The following IQCE variants were observed in gnomAD, a reference collection of about 807,000 sequenced individuals.
IQCE encodes the protein IQ motif containing E.
Under a neutral mutation model 96.0 loss-of-function variants are expected in IQCE, and 115 were observed. That is an observed-to-expected ratio of 1.20 (90% CI 1.03 to 1.40). The LOEUF (loss-of-function observed/expected upper bound fraction) is 1.40. IQCE is among the 40% of genes most tolerant of loss of function. The pLI is 0.00. For missense variants in IQCE, 1,041 were observed against 909.1 expected (o/e 1.15, Z -1.87); for synonymous variants, 412 against 371.2 (o/e 1.11, Z -1.26).
intron 9 of IQCE, among the ~76,000 whole-genome samples, chr7:2,583,031 T>A (rs1782797762): frequency 6.6e-6 from 1 of 152,150 alleles, no homozygotes; most frequent in Non-Finnish European, 1.5e-5. Flanking sequence ...TTGGTTTCTT[T>A]AAGGGAAACT....
At chr7:2,598,441 T>C in intron 16 of IQCE, 24 bp from the exon 17 acceptor site, 2 of 1,554,134 alleles carry the variant, frequency 1.3e-6, no homozygotes, top group Non-Finnish European at 1.7e-6. Context: ...TTCATTGTCC[T>C]CTTACTCCTT....
At chr7:2,604,801 C>G in intron 18 of IQCE, 80 bp from the exon 19 acceptor site, 1 of 953,752 alleles carries the variant, frequency 1.0e-6, no homozygotes, top group Non-Finnish European at 1.7e-6. Context: ...TGGCAGCTCT[C>G]TCCTCGGCGC....
At chr7:2,599,315 G>T (rs967380009) in intron 17 of IQCE, among the ~76,000 whole-genome samples, 1 of 152,020 alleles carries the variant, frequency 6.6e-6, no homozygotes. Context: ...TCCTGCCTCA[G>T]CCTCCCAAGT....
At chr7:2,565,253 A>G (rs1157406999) in intron 1 of IQCE, among the ~76,000 whole-genome samples, 3 of 140,388 alleles carry the variant, frequency 2.1e-5, no homozygotes, top group Non-Finnish European at 4.6e-5. Flanking sequence ...GTGTGTGTGC[A>G]TGCGTGTGTG....
chr7:2,601,352 G>A (rs1784417437), intron 17 of IQCE, 89 bp from the exon 18 acceptor site: 14 of 912,422 alleles, frequency 1.5e-5, no homozygotes, highest in Admixed American at 2.2e-5. Flanking sequence ...TGGCTTGATG[G>A]ACACCTGTTG....
At chr7:2,593,255 C>A in intron 15 of IQCE, 129 bp downstream of exon 15, 1 of 1,371,144 alleles carries the variant, frequency 7.3e-7, no homozygotes, top group South Asian at 1.7e-5. Flanking sequence ...TCCTCACAGT[C>A]TTTCATGGTT....
At chr7:2,605,040 G>A (rs376713168) in intron 19 of IQCE, 49 bp downstream of exon 19, 21 of 1,311,056 alleles carry the variant, frequency 1.6e-5, no homozygotes, top group Middle Eastern at 1.8e-4. Flanking sequence ...AGAGCTGCTC[G>A]TCTCGCACTC....
intron 14 of IQCE, among the ~76,000 whole-genome samples, chr7:2,592,067 G>T (rs1197693670): frequency 2.0e-5 from 3 of 151,886 alleles, no homozygotes; most frequent in African/African-American, 4.8e-5. Context: ...GATTACAGGC[G>T]TGAGCCACCG....
chr7:2,598,895 A>T (rs1398092120), intron 17 of IQCE, among the ~76,000 whole-genome samples: 2 of 152,240 alleles, frequency 1.3e-5, no homozygotes, highest in Non-Finnish European at 2.9e-5. Flanking sequence ...TTTAGACGTT[A>T]TGAAACATCG....
In IQCE at chr7:2,613,870, C is replaced by G. The variant is rs56063345; in HGVS notation, c.*3708C>G. The G allele has an allele frequency of 0.11, 17,362 of 152,184 alleles. 1,048 individuals are homozygous for G. The highest frequency in any genetic ancestry group is 0.15 in the Admixed American group (2,224 of 15,296). The allele number at this position is 152,184 out of a possible 1,614,324, so 9.4% of individuals were successfully genotyped here. A position where few individuals can be genotyped will look rare whatever the true frequency, so the allele number is the denominator to read the frequency against. ...CACCAAGACCACCGTTCCCGCAGGC[C>G]TGGGGTGAGTGACCTGACTGAGACT... On this transcript the variant is annotated 3_prime_UTR_variant, in exon 22 of 22. Coordinates refer to ENST00000402050, the MANE Select transcript of IQCE (RefSeq NM_152558.5).
rs919437649 is a variant in IQCE, at chr7:2,610,387, G to A, written c.*225G>A. ...GCTCGCATCCCCCTCATCTCCAGCT[G>A]CAGCTCGGATGGTGGATTTTCAGTG... is the stretch of plus-strand genomic sequence containing the variant. On this transcript the variant is annotated 3_prime_UTR_variant, in exon 22 of 22. Coordinates refer to ENST00000402050, the MANE Select transcript of IQCE (RefSeq NM_152558.5). The A allele has an allele frequency of 6.1e-6, 3 of 490,482 alleles. No homozygotes were observed. Among genetic ancestry groups the A allele is most frequent in the South Asian group, 2.4e-5 (1 of 42,272 alleles). The allele number at this position is 490,482 out of a possible 1,614,324, so 30.4% of individuals were successfully genotyped here.
Position 2,601,445 on chromosome 7 carries a change from AAAAG to A in IQCE, c.1614_1617del (p.Lys539LeufsTer24), listed in dbSNP as rs761920346. 1.1e-5 allele frequency: 17 copies of A among 1,565,186 alleles called. No individual in the cohort carries two copies. The highest frequency in any genetic ancestry group is 8.3e-5 in the African/African-American group (6 of 72,700). ...TCTTTCTTTTTTTTTTTCCAGAAAA[AAAAG>A]GCTGTTCTGGATGAGGTAAGCGAGG... On this transcript the variant is annotated frameshift_variant, in exon 18 of 22. Coordinates refer to ENST00000402050, the MANE Select transcript of IQCE (RefSeq NM_152558.5). LOFTEE classifies it high-confidence loss of function.
chr7:2,597,933 G>A (rs554806795), intron 16 of IQCE, among the ~76,000 whole-genome samples: 3 of 152,266 alleles, frequency 2.0e-5, no homozygotes, highest in South Asian at 2.1e-4. Context: ...CCCCCACATT[G>A]TTGGGATTAC....
intron 1 of IQCE, among the ~76,000 whole-genome samples, chr7:2,560,390 C>G (rs1780855592): frequency 6.6e-6 from 1 of 152,244 alleles, no homozygotes; most frequent in Non-Finnish European, 1.5e-5. Context: ...GAAGGTTTCA[C>G]ATCAAGGGAA....
chr7:2,592,565 T>C (rs1367938077), intron 14 of IQCE, among the ~76,000 whole-genome samples: 1 of 152,168 alleles, frequency 6.6e-6, no homozygotes, highest in East Asian at 1.9e-4. Flanking sequence ...CGAAGGCCAG[T>C]GTGTGGCCAT....
In IQCE at chr7:2,578,542, G is replaced by A; in HGVS notation, c.630+16G>A. On this transcript the variant is annotated intron_variant, in intron 8 of 21. Coordinates refer to ENST00000402050, the MANE Select transcript of IQCE (RefSeq NM_152558.5). ...TGCCAGTTGGGTGAGTATGGTGTGT[G>A]CAGGACAGAGCCTTTCCCCAGACGC... is the stretch of plus-strand genomic sequence containing the variant. 1 of 1,613,944 alleles carries A rather than the reference G, an allele frequency of 6.2e-7. No homozygotes were observed. The highest frequency in any genetic ancestry group is 8.5e-7 in the Non-Finnish European group (1 of 1,179,824).
chr7:2,597,769 C>T (rs1397614744), intron 16 of IQCE, among the ~76,000 whole-genome samples: 1 of 152,248 alleles, frequency 6.6e-6, no homozygotes, highest in African/African-American at 2.4e-5. Context: ...TGGGCTCAAG[C>T]GATCCTCCTG....
intron 17 of IQCE, chr7:2,598,881 A>T (rs1005760650): frequency 1.6e-4 from 61 of 382,830 alleles, no homozygotes; most frequent in Non-Finnish European, 2.4e-4. Context: ...ATTCGAAAGT[A>T]AGTTTTAGAC....
chr7:2,592,940 G>T lies in IQCE; in HGVS notation c.1245-82G>T, dbSNP rs1011025324. 17 of 1,463,260 alleles carry T rather than the reference G, an allele frequency of 1.2e-5. No homozygotes were observed. In the African/African-American group the frequency reaches 2.1e-4, roughly 18 times the overall value. 90.6% of individuals were successfully genotyped at this position (1,463,260 alleles called of 1,614,324 possible). ...CTGTCCTAAGGAAGGGCTGAGCACT[G>T]TCATTTTCTGAAGTGCCTTCCTGCT... On this transcript the variant is annotated intron_variant, in intron 14 of 21. Transcript: ENST00000402050.
Sources: allele counts gnomAD v4.1 joint callset (sites outside exome capture counted in the v4.1 genomes callset), GRCh38; gene constraint gnomAD v4.1.1; transcripts MANE v1.5; gene names NCBI Gene and HGNC (gene_info 2026-07-23, HGNC 2026-07-21).